Variants in FAM13A observed in about 807,000 individuals in gnomAD.
The protein encoded by FAM13A is family with sequence similarity 13 member A.
Under a neutral mutation model 129.6 loss-of-function variants are expected in FAM13A, and 76 were observed. The ratio of observed to expected loss-of-function variants is 0.59; its 90% confidence interval spans 0.49 to 0.71. The LOEUF (loss-of-function observed/expected upper bound fraction) is 0.71, where lower values mean the gene tolerates loss of function less well. FAM13A is among the 30% of genes least tolerant of loss of function. The probability of loss-of-function intolerance (pLI) is 0.00; values close to 1 mark genes in which losing one functional copy is unlikely to be tolerated. For synonymous variants in FAM13A, 443 were observed against 449.9 expected, an observed-to-expected ratio of 0.98 and a Z score of 0.20; for missense variants, 1,108 against 1,249.3, an observed-to-expected ratio of 0.89 and a Z score of 1.70.
At chr4:88,856,372 T>A (rs867457777) in intron 6 of FAM13A, among the ~76,000 whole-genome samples, 26 of 151,968 alleles carry the variant, frequency 1.7e-4, no homozygotes, top group African/African-American at 6.0e-4. Context: ...TAGTCCCAAC[T>A]ACTTGGGAAG....
intron 13 of FAM13A, 93 bp downstream of exon 13, chr4:88,767,460 T>C: frequency 2.4e-6 from 2 of 825,256 alleles, no homozygotes; most frequent in Admixed American, 2.8e-5. Flanking sequence ...CTTATCTCAA[T>C]GTCCCTTATT....
intron 19 of FAM13A, among the ~76,000 whole-genome samples, chr4:88,740,560 C>T (rs570057482): frequency 6.6e-6 from 1 of 152,310 alleles, no homozygotes; most frequent in East Asian, 1.9e-4. Flanking sequence ...TGTTTGTCTC[C>T]TGCATTCTCT....
chr4:88,758,965 C>T (rs1744264973), intron 13 of FAM13A, 64 bp from the exon 14 acceptor site: 1 of 1,520,062 alleles, frequency 6.6e-7, no homozygotes, highest in Non-Finnish European at 9.0e-7. Context: ...ACGTCTGCAG[C>T]AATTCCACTC....
intron 6 of FAM13A, among the ~76,000 whole-genome samples, chr4:88,851,401 C>T (rs1737545826): frequency 6.6e-6 from 1 of 151,694 alleles, no homozygotes; most frequent in Non-Finnish European, 1.5e-5. Context: ...CCAAGGAGAA[C>T]ATTCAAACCT....
chr4:88,990,228 G>A (rs773305263), intron 4 of FAM13A: 1 of 152,048 alleles, frequency 6.6e-6, no homozygotes, highest in Non-Finnish European at 1.5e-5. Flanking sequence ...ACTAGTTCTG[G>A]GCAGCTGAAT....
chr4:88,946,255 G>T (rs1755828958), intron 4 of FAM13A, among the ~76,000 whole-genome samples: 1 of 151,616 alleles, frequency 6.6e-6, no homozygotes, highest in Non-Finnish European at 1.5e-5. Flanking sequence ...ATGGAAACTG[G>T]ACACAGCAGT....
intron 11 of FAM13A, among the ~76,000 whole-genome samples, chr4:88,773,383 T>C (rs1721070491): frequency 6.6e-6 from 1 of 152,194 alleles, no homozygotes; most frequent in African/African-American, 2.4e-5. Context: ...TTAATCAGGC[T>C]CTTCCTGCCT....
intron 6 of FAM13A, among the ~76,000 whole-genome samples, chr4:88,872,488 T>C (rs888540824): frequency 6.6e-6 from 1 of 152,174 alleles, no homozygotes; most frequent in African/African-American, 2.4e-5. Context: ...GTTGCAATCC[T>C]AGTCTCTGAT....
chr4:88,823,365 CCCTCCTCCTCCTCTT>C (rs1467507900), intron 7 of FAM13A: 4 of 1,021,114 alleles, frequency 3.9e-6, no homozygotes, highest in Admixed American at 5.3e-5. Flanking sequence ...CCTCAATGGT[CCCTCCTCCTCCTCTT>C]CCTCCTCCTC....
intron 19 of FAM13A, among the ~76,000 whole-genome samples, chr4:88,742,997 G>C (rs1740575421): frequency 1.3e-5 from 2 of 152,282 alleles, no homozygotes; most frequent in South Asian, 2.1e-4. Context: ...TAAAGTGATA[G>C]TGCTGAATGG....
chr4:88,852,532 GA>G (rs1177482473), intron 6 of FAM13A, among the ~76,000 whole-genome samples: 3 of 152,058 alleles, frequency 2.0e-5, no homozygotes, highest in African/African-American at 7.2e-5. Context: ...GTCTACCCTT[GA>G]TTACACATTG....
intron 14 of FAM13A, among the ~76,000 whole-genome samples, chr4:88,753,375 C>A (rs969179855): frequency 6.6e-6 from 1 of 152,192 alleles, no homozygotes; most frequent in African/African-American, 2.4e-5. Flanking sequence ...TGATCAGTTG[C>A]TTTACTGACA....
chr4:89,003,428 T>G (rs796227572), intron 3 of FAM13A, among the ~76,000 whole-genome samples: 14 of 152,150 alleles, frequency 9.2e-5, no homozygotes, highest in African/African-American at 3.4e-4. Context: ...CTGGCCAACA[T>G]GGGGAAACCC....
chr4:88,747,339 C>T (rs927691044), intron 18 of FAM13A, among the ~76,000 whole-genome samples: 8 of 152,164 alleles, frequency 5.3e-5, no homozygotes, highest in Non-Finnish European at 1.0e-4. Flanking sequence ...TACATGGTCC[C>T]AAAGGTTTGT....
At chr4:88,738,313 T>C (rs184708380) in intron 20 of FAM13A, among the ~76,000 whole-genome samples, 1 of 152,122 alleles carries the variant, frequency 6.6e-6, no homozygotes, top group Non-Finnish European at 1.5e-5. Context: ...CAGAAGCAAA[T>C]GTTTCCCTAA....
intron 4 of FAM13A, among the ~76,000 whole-genome samples, chr4:88,980,636 G>A (rs1761540599): frequency 6.6e-6 from 1 of 152,102 alleles, no homozygotes; most frequent in African/African-American, 2.4e-5. Context: ...TTTATAAACA[G>A]ACAACAGGTT....
At chr4:88,801,571 A>C (rs1290228312) in intron 8 of FAM13A, among the ~76,000 whole-genome samples, 9 of 152,232 alleles carry the variant, frequency 5.9e-5, no homozygotes, top group Non-Finnish European at 1.3e-4. Context: ...ACCTGCTAGA[A>C]GACAGGTGTT....
chr4:88,728,580 G>A lies in FAM13A; in HGVS notation c.3025C>T (p.Leu1009=). 3 of 1,614,210 alleles carry A rather than the reference G, an allele frequency of 1.9e-6. No individual in the cohort carries two copies. The highest frequency in any genetic ancestry group is 1.7e-6 in the Non-Finnish European group (2 of 1,180,022). ...YKHIKAKLRL[L]EVLISKRDTD... is the part of the protein sequence containing the mutation. Reference sequence around the variant, plus strand: ...TCTCTCTTGCTGATGAGCACCTCCAGGAGCCTCAGTTTCGCCTTTATGTGC... The same window carrying A: ...TCTCTCTTGCTGATGAGCACCTCCAAGAGCCTCAGTTTCGCCTTTATGTGC... Residue 1009 remains leucine, a synonymous_variant, in exon 24 of 24, where the codon CTG becomes TTG. Coordinates refer to ENST00000264344, the MANE Select transcript of FAM13A (RefSeq NM_014883.4).
chr4:88,792,185 C>T (rs1725319221), intron 8 of FAM13A, among the ~76,000 whole-genome samples: 1 of 151,824 alleles, frequency 6.6e-6, no homozygotes, highest in South Asian at 2.1e-4. Context: ...TTATTATTTA[C>T]AATAACCCTA....
Sources: gnomAD v4.1 joint callset for allele counts (sites outside exome capture counted in the v4.1 genomes callset) on GRCh38, gnomAD v4.1.1 for gene constraint, MANE v1.5 for transcripts, NCBI Gene and HGNC (gene_info 2026-07-23, HGNC 2026-07-21) for gene names.